Variants in ARHGAP44 observed in about 807,000 individuals in gnomAD.
The protein encoded by ARHGAP44 is rho GTPase-activating protein 44.
A neutral mutation model predicts 106.8 loss-of-function variants in ARHGAP44; 43 were observed. The ratio of observed to expected loss-of-function variants is 0.40; its 90% CI spans 0.32 to 0.52. The LOEUF (loss-of-function observed/expected upper bound fraction) is 0.52, where lower values mean the gene tolerates loss of function less well. ARHGAP44 is among the 20% of genes least tolerant of loss of function. The pLI is 0.48. For missense variants in ARHGAP44, 866 were observed against 1,050.5 expected (o/e 0.82, Z 2.43); for synonymous variants, 439 against 410.3 (o/e 1.07, Z -0.85).
chr17:12,789,936 T>C, intron 1 of ARHGAP44, 45 bp downstream of exon 1: 2 of 1,487,208 alleles, frequency 1.3e-6, no homozygotes, highest in Middle Eastern at 1.7e-4. Context: ...CCCGCGAGGC[T>C]GCATCCGCAG....
intron 16 of ARHGAP44, among the ~76,000 whole-genome samples, chr17:12,962,334 G>A (rs1012357214): frequency 6.6e-6 from 1 of 152,104 alleles, no homozygotes; most frequent in Non-Finnish European, 1.5e-5. Context: ...TTCTTTAGCA[G>A]GGCTTGGTGA....
At chr17:12,813,305 G>GTTT (rs200385086) in intron 1 of ARHGAP44, among the ~76,000 whole-genome samples, 40 of 142,088 alleles carry the variant, frequency 2.8e-4, no homozygotes, top group East Asian at 8.1e-4. Context: ...GAGGTTTTTT[G>GTTT]TTTTTTTTTT....
chr17:12,821,851 A>T (rs116446101), intron 1 of ARHGAP44, among the ~76,000 whole-genome samples: 1 of 152,172 alleles, frequency 6.6e-6, no homozygotes, highest in African/African-American at 2.4e-5. Flanking sequence ...CCGACTTCCT[A>T]TAGGGAAAGG....
chr17:12,954,711 C>CG lies in ARHGAP44; in HGVS notation c.1137-1152dup, dbSNP rs573193702. Among the ~76,000 whole-genome samples, 111 of 152,194 alleles carry CG rather than the reference C, an allele frequency of 7.3e-4. 2 individuals carry two copies. In the South Asian group the frequency reaches 0.023, roughly 31 times the overall value. On this transcript the variant is annotated intron_variant, in intron 13 of 20. Transcript: ENST00000379672. ...AGAGGCCAGAGAAAACATGTCTTCT[C>CG]GGGGTCCTGGGGCCTCTTGTCAGGT...
At chr17:12,860,657 T>C (rs1156244926) in intron 1 of ARHGAP44, among the ~76,000 whole-genome samples, 1 of 152,130 alleles carries the variant, frequency 6.6e-6, no homozygotes, top group East Asian at 1.9e-4. Flanking sequence ...TTATTTTCCA[T>C]TCCCCATTTC....
In ARHGAP44 at chr17:12,843,768, G is replaced by A. The variant is rs184107052; in HGVS notation, c.54-51172G>A. ...CCACCCAGGTTCAAGTGATTCTCCC[G>A]GCTCAGCCTCCCAAGTAGCTGGGAT... On this transcript the variant is annotated intron_variant, in intron 1 of 20. Coordinates refer to ENST00000379672, the MANE Select transcript of ARHGAP44 (RefSeq NM_014859.6). 5.4e-5 allele frequency among the ~76,000 whole-genome samples: 8 copies of A among 148,428 alleles called. No homozygotes were observed. The East Asian group carries it at 6.1e-4, about 11-fold the overall frequency.
chr17:12,894,908 G>T, intron 1 of ARHGAP44, 32 bp from the exon 2 acceptor site: 1 of 1,563,168 alleles, frequency 6.4e-7, no homozygotes, highest in South Asian at 1.2e-5. Context: ...TGTTAGTTTT[G>T]TTACTGATAT....
intron 1 of ARHGAP44, among the ~76,000 whole-genome samples, chr17:12,857,765 GTTA>G (rs1296397561): frequency 0.02 from 2,908 of 145,616 alleles, 102 homozygotes; most frequent in African/African-American, 0.068. Flanking sequence ...GGTTGCCCAT[GTTA>G]TTTATTTATT....
At chr17:12,984,300 T>C (rs1015877983) in intron 19 of ARHGAP44, among the ~76,000 whole-genome samples, 1 of 151,334 alleles carries the variant, frequency 6.6e-6, no homozygotes, top group Non-Finnish European at 1.5e-5. Context: ...AAAAATTAGT[T>C]AACAGATGGG....
chr17:12,842,432 AAG>A lies in ARHGAP44; in HGVS notation c.54-52506_54-52505del, dbSNP rs1379302802. Among the ~76,000 whole-genome samples, 1,108 of 125,132 alleles carry A rather than the reference AAG, an allele frequency of 8.9e-3. 12 individuals carry two copies. Among genetic ancestry groups the A allele is most frequent in the African/African-American group, 0.043 (1,022 of 23,522 alleles). The allele number at this position is 125,132 out of a possible 152,430, so 82.1% of individuals were successfully genotyped here. On this transcript the variant is annotated intron_variant, in intron 1 of 20. Coordinates refer to ENST00000379672, the MANE Select transcript of ARHGAP44 (RefSeq NM_014859.6). ...ACCATCTCAAAAAAAAAAAAAAAAA[AAG>A]AAAGAAAAAAGAAAAGAAAAGAAAA...
At chr17:12,934,538 A>G (rs2038490710) in intron 7 of ARHGAP44, among the ~76,000 whole-genome samples, 1 of 152,196 alleles carries the variant, frequency 6.6e-6, no homozygotes, top group African/African-American at 2.4e-5. Context: ...CCTTCTGCCA[A>G]AAGTATCTAG....
At chr17:12,849,208 G>T (rs1422051115) in intron 1 of ARHGAP44, among the ~76,000 whole-genome samples, 1 of 139,674 alleles carries the variant, frequency 7.2e-6, no homozygotes, top group African/African-American at 3.0e-5. Flanking sequence ...CTTAAACTGA[G>T]GTGGGCGTGT....
chr17:12,932,431 C>CT (rs34831627), intron 7 of ARHGAP44, among the ~76,000 whole-genome samples: 3 of 152,066 alleles, frequency 2.0e-5, no homozygotes, highest in South Asian at 2.1e-4. Flanking sequence ...CAGTTTTAAA[C>CT]TTTTTTCTGC....
At chr17:12,835,344 C>A (rs755247341) in intron 1 of ARHGAP44, among the ~76,000 whole-genome samples, 2 of 152,044 alleles carry the variant, frequency 1.3e-5, no homozygotes, top group Non-Finnish European at 2.9e-5. Context: ...CTTTTTTAGT[C>A]ATGTTCAAAC....
rs376200698 is a variant in ARHGAP44 at position 12,938,582 on chromosome 17, T to TTAAAA, written c.583-2474_583-2473insTAAAA. Among the ~76,000 whole-genome samples the TTAAAA allele has an allele frequency of 3.4e-3, 429 of 126,976 alleles. 9 individuals carry two copies. Among genetic ancestry groups the TTAAAA allele is most frequent in the East Asian group, 0.013 (54 of 4,224 alleles). 83.3% of individuals were successfully genotyped at this position (126,976 alleles called of 152,430 possible). A position where few individuals can be genotyped will look rare whatever the true frequency, so the allele number is the denominator to read the frequency against. On this transcript the variant is annotated intron_variant, in intron 7 of 20. Coordinates refer to ENST00000379672, the MANE Select transcript of ARHGAP44 (RefSeq NM_014859.6). The stretch of plus-strand genomic sequence containing the variant: ...CTGGGACATTTGGTTAGCTATATAT[T>TTAAAA]AAAAAAAAAAAAAAAAAAAAACAGC...
At chr17:12,849,881 T>A (rs2035689360) in intron 1 of ARHGAP44, among the ~76,000 whole-genome samples, 1 of 152,112 alleles carries the variant, frequency 6.6e-6, no homozygotes. Flanking sequence ...GTCCAGGAAG[T>A]GTTTGTTCGA....
chr17:12,925,618 A>C (rs1303760412), intron 6 of ARHGAP44, among the ~76,000 whole-genome samples: 1 of 152,170 alleles, frequency 6.6e-6, no homozygotes, highest in African/African-American at 2.4e-5. Context: ...CCAAGGCTTC[A>C]TTAAAGCTTG....
chr17:12,818,359 C>T (rs2034663680), intron 1 of ARHGAP44, among the ~76,000 whole-genome samples: 1 of 140,472 alleles, frequency 7.1e-6, no homozygotes, highest in African/African-American at 2.9e-5. Flanking sequence ...AAAAACAACC[C>T]TACAACTCAC....
chr17:12,897,710 C>CTT (rs71980749), intron 3 of ARHGAP44, among the ~76,000 whole-genome samples: 42,953 of 108,742 alleles, frequency 0.39, 9,376 homozygotes, highest in Non-Finnish European at 0.48. Context: ...TGATCTGTGT[C>CTT]TTTTTTTTTT....
Sources: gnomAD v4.1 joint callset for allele counts (sites outside exome capture counted in the v4.1 genomes callset) on GRCh38, gnomAD v4.1.1 for gene constraint, MANE v1.5 for transcripts, NCBI Gene and HGNC (gene_info 2026-07-23, HGNC 2026-07-21) for gene names.